NR3C2: variants seen among roughly 807,000 people sequenced by gnomAD.
NR3C2 encodes mineralocorticoid receptor.
Under a neutral mutation model 86.4 loss-of-function variants are expected in NR3C2, and 15 were observed. The ratio of observed to expected loss-of-function variants is 0.17; its 90% CI spans 0.12 to 0.27. The LOEUF (loss-of-function observed/expected upper bound fraction) is 0.27, where lower values mean the gene tolerates loss of function less well. NR3C2 is among the 10% of genes least tolerant of loss of function. NR3C2 has a pLI of 1.00. For synonymous variants in NR3C2, 458 were observed against 450.5 expected (o/e 1.02, Z -0.21); for missense variants, 960 against 1,195.6 (o/e 0.80, Z 2.91).
intron 4 of NR3C2, among the ~76,000 whole-genome samples, chr4:148,163,468 C>G (rs563606665): frequency 6.6e-6 from 1 of 152,114 alleles, no homozygotes; most frequent in Admixed American, 6.5e-5. Context: ...TTCAGAAATA[C>G]GTTTCCAAAA....
intron 3 of NR3C2, among the ~76,000 whole-genome samples, chr4:148,197,591 G>A (rs1736497213): frequency 6.6e-6 from 1 of 151,836 alleles, no homozygotes; most frequent in African/African-American, 2.4e-5. Context: ...TTCTTCTATG[G>A]GTGTTCAAAA....
At position 148,436,861 on chromosome 4, in the gene NR3C2, C is replaced by T. The variant is rs545072192; in HGVS notation, c.-1G>A. 2.5e-6 allele frequency: 4 copies of T among 1,602,852 alleles called. No individual in the cohort carries two copies. The highest frequency in any genetic ancestry group is 3.4e-6 in the Non-Finnish European group (4 of 1,175,860). ...GACTGTGGTAGCCTTTGGTCTCCAT[C>T]GCTAACAAATAAATTTACATTAAAA... is the stretch of plus-strand genomic sequence containing the variant. On this transcript the variant is annotated splice_region_variant and 5_prime_UTR_variant, in exon 2 of 9. Transcript: ENST00000358102.
chr4:148,336,005 T>C (rs971591013), intron 2 of NR3C2, among the ~76,000 whole-genome samples: 2 of 152,184 alleles, frequency 1.3e-5, no homozygotes, highest in Non-Finnish European at 2.9e-5. Context: ...GATTTTTGTT[T>C]TGTGACCTTC....
chr4:148,323,470 C>G (rs954421227), intron 2 of NR3C2, among the ~76,000 whole-genome samples: 1 of 144,878 alleles, frequency 6.9e-6, no homozygotes, highest in Non-Finnish European at 1.5e-5. Context: ...GGGCGCCCCT[C>G]CCCCAGCCTG....
intron 3 of NR3C2, among the ~76,000 whole-genome samples, chr4:148,241,275 C>T (rs1739021538): frequency 8.4e-6 from 1 of 119,150 alleles, no homozygotes; most frequent in Non-Finnish European, 1.6e-5. Context: ...CATTGCACTC[C>T]AGCCTGGAAG....
At chr4:148,250,242 G>A (rs964109169) in intron 3 of NR3C2, among the ~76,000 whole-genome samples, 4 of 152,154 alleles carry the variant, frequency 2.6e-5, no homozygotes, top group Admixed American at 2.6e-4. Context: ...TACACTACAT[G>A]TGTATGTCTT....
chr4:148,357,600 T>G (rs1362818806), intron 2 of NR3C2, among the ~76,000 whole-genome samples: 2 of 152,218 alleles, frequency 1.3e-5, no homozygotes, highest in African/African-American at 4.8e-5. Context: ...ACTTTTAAAC[T>G]TCTTCCTAGA....
At chr4:148,370,058 T>C (rs1323105441) in intron 2 of NR3C2, among the ~76,000 whole-genome samples, 1 of 152,148 alleles carries the variant, frequency 6.6e-6, no homozygotes, top group Non-Finnish European at 1.5e-5. Flanking sequence ...CTTTGAAGTG[T>C]TTTTCTAGCG....
Position 148,134,641 on chromosome 4 carries a change from CTCTTTTTTTTTTTT to C in NR3C2, c.2511-14367_2511-14354del, listed in dbSNP as rs1223330602. Among the ~76,000 whole-genome samples, 348 of 60,968 alleles carry C rather than the reference CTCTTTTTTTTTTTT, an allele frequency of 5.7e-3. 8 individuals are homozygous for C. The highest frequency in any genetic ancestry group is 0.021 in the African/African-American group (336 of 16,270). 40.0% of individuals were successfully genotyped at this position (60,968 alleles called of 152,430 possible). On this transcript the variant is annotated intron_variant, in intron 6 of 8. Transcript: ENST00000358102. ...TCCCTGTGATTCTCTCTCTCTCTCT[CTCTTTTTTTTTTTT>C]TTTTTTTTTTTTAGAGGGAGTCTCG...
At chr4:148,239,854 T>C (rs1344444023) in intron 3 of NR3C2, among the ~76,000 whole-genome samples, 1 of 152,162 alleles carries the variant, frequency 6.6e-6, no homozygotes, top group African/African-American at 2.4e-5. Context: ...TTCAAGTGGT[T>C]TTCCTCGGTG....
chr4:148,187,547 G>A (rs1239411291), intron 4 of NR3C2, among the ~76,000 whole-genome samples: 1 of 145,510 alleles, frequency 6.9e-6, no homozygotes, highest in African/African-American at 2.5e-5. Flanking sequence ...TTTTGGATGG[G>A]ATTTTTTTTT....
At chr4:148,155,952 A>C (rs1161309637) in intron 4 of NR3C2, among the ~76,000 whole-genome samples, 2 of 152,176 alleles carry the variant, frequency 1.3e-5, no homozygotes, top group African/African-American at 2.4e-5. Flanking sequence ...CTCAGAAATA[A>C]CGCCACATAT....
intron 2 of NR3C2, among the ~76,000 whole-genome samples, chr4:148,297,568 T>G (rs971959230): frequency 1.3e-5 from 2 of 152,228 alleles, no homozygotes; most frequent in Non-Finnish European, 2.9e-5. Context: ...GAGACCAGCC[T>G]GACCAACATG....
intron 3 of NR3C2, among the ~76,000 whole-genome samples, chr4:148,232,258 T>C (rs1172836008): frequency 2.6e-5 from 4 of 152,214 alleles, no homozygotes; most frequent in Non-Finnish European, 2.9e-5. Flanking sequence ...TTATAAAATG[T>C]ATTTCTTAAA....
At chr4:148,307,275 C>T (rs996031939) in intron 2 of NR3C2, among the ~76,000 whole-genome samples, 4 of 152,140 alleles carry the variant, frequency 2.6e-5, no homozygotes, top group African/African-American at 9.6e-5. Context: ...TCATTTTTGA[C>T]GATTTCAGAT....
At chr4:148,444,963 C>T (rs1750511749), upstream of NR3C2, 1 of 984,808 alleles carries the variant, frequency 1.0e-6, no homozygotes, top group Non-Finnish European at 1.2e-6. Flanking sequence ...GGCGGCCGAG[C>T]GCGTGTGTGA....
chr4:148,260,143 T>C, intron 2 of NR3C2, 26 bp from the exon 3 acceptor site: 1 of 1,613,644 alleles, frequency 6.2e-7, no homozygotes, highest in East Asian at 2.2e-5. Context: ...GAGATTTAAA[T>C]AACTACACCG....
intron 8 of NR3C2, among the ~76,000 whole-genome samples, chr4:148,111,192 A>G (rs1041433447): frequency 6.6e-6 from 1 of 152,240 alleles, no homozygotes; most frequent in Admixed American, 6.5e-5. Flanking sequence ...CAGGCACTTC[A>G]CCAAAGAAGA....
chr4:148,176,810 C>T (rs1735398357), intron 4 of NR3C2, among the ~76,000 whole-genome samples: 1 of 152,158 alleles, frequency 6.6e-6, no homozygotes, highest in South Asian at 2.1e-4. Flanking sequence ...ATGGATTCAT[C>T]AGAGATACAC....
Sources: allele counts gnomAD v4.1 joint callset (sites outside exome capture counted in the v4.1 genomes callset), GRCh38; gene constraint gnomAD v4.1.1; transcripts MANE v1.5; gene names NCBI Gene and HGNC (gene_info 2026-07-23, HGNC 2026-07-21).